The following KLRG1 variants were observed in gnomAD, a reference collection of about 807,000 sequenced individuals.
The protein encoded by KLRG1 is killer cell lectin-like receptor subfamily G member 1.
KLRG1 carries 16 observed loss-of-function variants against 21.8 expected under a neutral mutation model. The ratio of observed to expected loss-of-function variants is 0.73; its 90% CI spans 0.50 to 1.11. The LOEUF (loss-of-function observed/expected upper bound fraction) is 1.11, where lower values mean the gene tolerates loss of function less well. Among genes scored for constraint, KLRG1 ranks in the 50% most tolerant of loss-of-function variants. The probability of loss-of-function intolerance (pLI) is 0.00; values close to 1 mark genes in which losing one functional copy is unlikely to be tolerated. For missense variants in KLRG1, 173 were observed against 218.3 expected (o/e 0.79, Z 1.31); for synonymous variants, 69 against 75.9 (o/e 0.91, Z 0.47).
chr12:9,145,634 A>G, the KLRG1 span, among the ~76,000 whole-genome samples: 3 of 152,158 alleles, frequency 2.0e-5, no homozygotes, highest in Non-Finnish European at 4.4e-5. Context: ...GCCTTTGCCA[A>G]TCAGTTTCAT....
At chr12:9,038,869 A>G in the KLRG1 span, among the ~76,000 whole-genome samples, 1 of 149,712 alleles carries the variant, frequency 6.7e-6, no homozygotes, top group African/African-American at 2.5e-5. Context: ...CGTGGGCTGC[A>G]CTCCAGCCTG....
intron 1 of KLRG1, among the ~76,000 whole-genome samples, chr12:8,977,124 C>G (rs1386369635): frequency 6.6e-6 from 1 of 151,906 alleles, no homozygotes; most frequent in Non-Finnish European, 1.5e-5. Context: ...CATGGAATAT[C>G]TTTTTCTATC....
At chr12:9,067,941 T>G in the KLRG1 span, 1 of 1,179,374 alleles carries the variant, frequency 8.5e-7, no homozygotes, top group Non-Finnish European at 1.2e-6. Flanking sequence ...CAAGGAAACC[T>G]AATCAGTACA....
the KLRG1 span, among the ~76,000 whole-genome samples, chr12:9,190,918 A>G: frequency 6.6e-5 from 10 of 152,318 alleles, no homozygotes; most frequent in East Asian, 1.9e-3. Context: ...TTGTTCTTTT[A>G]TCATAGAGGT....
chr12:9,135,906 GA>G, the KLRG1 span, among the ~76,000 whole-genome samples: 1 of 152,154 alleles, frequency 6.6e-6, no homozygotes, highest in Non-Finnish European at 1.5e-5. Context: ...GTATGTCAAA[GA>G]ACCTTTCTCT....
At chr12:9,098,834 C>G in the KLRG1 span, 1 of 1,507,696 alleles carries the variant, frequency 6.6e-7, no homozygotes, top group Non-Finnish European at 9.0e-7. Context: ...GCAGAGTGTT[C>G]CTCATGTACA....
chr12:9,062,745 A>G, the KLRG1 span, among the ~76,000 whole-genome samples: 1 of 148,042 alleles, frequency 6.8e-6, no homozygotes, highest in Non-Finnish European at 1.5e-5. Context: ...ATTATCATTT[A>G]TAATATATTG....
At chr12:8,957,164 T>G (rs773174296) in intron 1 of KLRG1, among the ~76,000 whole-genome samples, 2 of 152,246 alleles carry the variant, frequency 1.3e-5, no homozygotes, top group Non-Finnish European at 2.9e-5. Context: ...CTTGTATGTA[T>G]CAGTAGTAGG....
the KLRG1 span, chr12:9,072,238 C>G: frequency 8.8e-7 from 1 of 1,142,346 alleles, no homozygotes; most frequent in Non-Finnish European, 1.3e-6. Context: ...TAAGAGAATA[C>G]ATTGCATTTT....
chr12:9,101,118 A>C, the KLRG1 span: 1 of 1,552,594 alleles, frequency 6.4e-7, no homozygotes, highest in African/African-American at 1.4e-5. Flanking sequence ...ATGGGGCAGC[A>C]ATGCAGAGAT....
At chr12:9,027,783 T>G in the KLRG1 span, 4 of 1,364,254 alleles carry the variant, frequency 2.9e-6, no homozygotes, top group Non-Finnish European at 4.1e-6. Flanking sequence ...TGCCACCATA[T>G]CCACCACAAC....
At chr12:9,175,315 G>A in the KLRG1 span, among the ~76,000 whole-genome samples, 5 of 152,082 alleles carry the variant, frequency 3.3e-5, no homozygotes, top group South Asian at 2.1e-4. Context: ...ATTAACTCAA[G>A]ATGAATTAAA....
the KLRG1 span, among the ~76,000 whole-genome samples, chr12:9,171,842 T>C: frequency 6.6e-5 from 10 of 152,258 alleles, no homozygotes; most frequent in African/African-American, 2.4e-4. Context: ...TGGGATTATG[T>C]AAAAAGACCA....
At chr12:8,967,191 G>T (rs747883738) in intron 1 of KLRG1, among the ~76,000 whole-genome samples, 19 of 120,512 alleles carry the variant, frequency 1.6e-4, no homozygotes, top group African/African-American at 5.6e-4. Context: ...GTTGTGGGGT[G>T]GGGGGAGGGG....
the KLRG1 span, chr12:9,196,278 G>A: frequency 3.1e-6 from 4 of 1,282,340 alleles, no homozygotes; most frequent in South Asian, 2.5e-5. Context: ...TGTGTCCTGT[G>A]CTTAGGTGCA....
the KLRG1 span, among the ~76,000 whole-genome samples, chr12:9,117,974 G>A: frequency 6.6e-6 from 1 of 151,924 alleles, no homozygotes; most frequent in African/African-American, 2.4e-5. Flanking sequence ...TACTTCAAGT[G>A]GCCAATATTA....
the KLRG1 span, chr12:9,203,751 G>A: frequency 6.2e-7 from 1 of 1,613,464 alleles, no homozygotes; most frequent in Non-Finnish European, 8.5e-7. Context: ...ATAGCCAGCT[G>A]GCACCGTAGC....
the KLRG1 span, among the ~76,000 whole-genome samples, chr12:9,145,137 G>A: frequency 1.9e-3 from 292 of 152,202 alleles, 1 homozygote; most frequent in African/African-American, 6.8e-3. Context: ...CACTATATGT[G>A]TTTTCATTGG....
the KLRG1 span, among the ~76,000 whole-genome samples, chr12:9,191,356 G>C: frequency 6.6e-6 from 1 of 151,908 alleles, no homozygotes; most frequent in African/African-American, 2.4e-5. Flanking sequence ...CTAGTATTGG[G>C]AAAAAACTGA....
Sources: allele counts gnomAD v4.1 joint callset (sites outside exome capture counted in the v4.1 genomes callset), GRCh38; gene constraint gnomAD v4.1.1; transcripts MANE v1.5; gene names NCBI Gene and HGNC (gene_info 2026-07-23, HGNC 2026-07-21).